The following PDE10A variants were observed in gnomAD, a reference collection of about 807,000 sequenced individuals.
The protein encoded by PDE10A is cAMP and cAMP-inhibited cGMP 3',5'-cyclic phosphodiesterase 10A.
Under a neutral mutation model 97.7 loss-of-function variants are expected in PDE10A, and 39 were observed. That is an observed-to-expected ratio of 0.40 (90% CI 0.31 to 0.52). The LOEUF is 0.52. PDE10A is among the 20% of genes least tolerant of loss of function. The pLI is 0.56. For synonymous variants in PDE10A, 371 were observed against 376.8 expected (o/e 0.98, Z 0.18); for missense variants, 731 against 1,047.8 (o/e 0.70, Z 4.17).
chr6:165,759,740 C>A (rs942056452), intron 1 of PDE10A, among the ~76,000 whole-genome samples: 6 of 152,188 alleles, frequency 3.9e-5, no homozygotes, highest in Non-Finnish European at 8.8e-5. Flanking sequence ...GTGAGCTAAT[C>A]CAACCTCCTC....
At chr6:165,482,185 T>A (rs1474377426) in intron 3 of PDE10A, 130 bp downstream of exon 3, 3 of 739,602 alleles carry the variant, frequency 4.1e-6, no homozygotes, top group Non-Finnish European at 7.4e-6. Flanking sequence ...TAATGAGTGA[T>A]ACTTTGGAGA....
chr6:165,517,196 A>G (rs1781862329), intron 2 of PDE10A, among the ~76,000 whole-genome samples: 1 of 152,202 alleles, frequency 6.6e-6, no homozygotes, highest in South Asian at 2.1e-4. Flanking sequence ...ATTTAATTAG[A>G]AAACTAGTAA....
chr6:165,427,041 T>C (rs1014668667), intron 10 of PDE10A, among the ~76,000 whole-genome samples: 1 of 152,060 alleles, frequency 6.6e-6, no homozygotes, highest in Non-Finnish European at 1.5e-5. Context: ...GCAACTGCCA[T>C]GGAAAGTTTG....
At chr6:165,907,017 C>T (rs1012750765) in intron 1 of PDE10A, among the ~76,000 whole-genome samples, 1 of 152,206 alleles carries the variant, frequency 6.6e-6, no homozygotes, top group African/African-American at 2.4e-5. Context: ...TGTCTTGGGA[C>T]CTTGACCCTT....
intron 2 of PDE10A, among the ~76,000 whole-genome samples, chr6:165,526,342 TG>T (rs1211417461): frequency 6.6e-6 from 1 of 152,134 alleles, no homozygotes; most frequent in Non-Finnish European, 1.5e-5. Context: ...ACTCATCCTG[TG>T]GTCATTTCCC....
intron 17 of PDE10A, among the ~76,000 whole-genome samples, chr6:165,386,953 G>A (rs897468709): frequency 9.2e-5 from 14 of 151,948 alleles, no homozygotes; most frequent in African/African-American, 2.4e-4. Flanking sequence ...GAGGCGGGGC[G>A]TGCAGTGAGC....
At chr6:165,748,295 T>C (rs1357069865) in intron 1 of PDE10A, among the ~76,000 whole-genome samples, 1 of 152,376 alleles carries the variant, frequency 6.6e-6, no homozygotes, top group African/African-American at 2.4e-5. Flanking sequence ...AAGAGATGGC[T>C]CTTTCCCTGA....
intron 1 of PDE10A, among the ~76,000 whole-genome samples, chr6:165,804,885 G>A (rs1161534360): frequency 1.3e-5 from 2 of 151,922 alleles, no homozygotes; most frequent in African/African-American, 2.4e-5. Context: ...GCGCGCGGAG[G>A]GGAGTGGGGC....
chr6:165,898,646 A>T (rs1782021931), intron 1 of PDE10A, among the ~76,000 whole-genome samples: 1 of 151,758 alleles, frequency 6.6e-6, no homozygotes, highest in Non-Finnish European at 1.5e-5. Context: ...ACACCTCAGG[A>T]TGCTCTCATT....
chr6:165,621,771 A>AGAAGAAGAAGAAGAAG (rs1554297070), intron 1 of PDE10A, among the ~76,000 whole-genome samples: 6 of 134,688 alleles, frequency 4.5e-5, no homozygotes, highest in African/African-American at 1.6e-4. Flanking sequence ...AAGAAAAAAA[A>AGAAGAAGAAGAAGAAG]AAGAAGAAGA....
chr6:165,941,305 G>T (rs138111956), intron 1 of PDE10A, among the ~76,000 whole-genome samples: 1 of 152,140 alleles, frequency 6.6e-6, no homozygotes, highest in African/African-American at 2.4e-5. Context: ...ATGGACTCGG[G>T]CCTTTCTGAA....
chr6:165,842,614 G>A (rs143986103), intron 1 of PDE10A, among the ~76,000 whole-genome samples: 2 of 152,270 alleles, frequency 1.3e-5, no homozygotes, highest in Non-Finnish European at 2.9e-5. Flanking sequence ...TTCCATGCTC[G>A]TTTTAGTGAT....
chr6:165,642,426 A>G (rs1789180875), intron 1 of PDE10A, among the ~76,000 whole-genome samples: 2 of 152,232 alleles, frequency 1.3e-5, no homozygotes, highest in South Asian at 2.1e-4. Flanking sequence ...GGCTGTATTT[A>G]GGAGGGACAC....
At position 165,958,747 on chromosome 6, in the gene PDE10A, G is replaced by GAGAA. The variant is rs1554231017; in HGVS notation, c.-615+28778_-615+28781dup. On this transcript the variant is annotated intron_variant, in intron 1 of 19. Transcript: ENST00000366882. ...AGAAAGAAAGAAAGAAAGAAAGAAA[G>GAGAA]AGAAAGAAAGAAAGAAAGAAGAAAG... Among the ~76,000 whole-genome samples the GAGAA allele has an allele frequency of 9.4e-5, 10 of 106,230 alleles. 1 individual carries two copies. The highest frequency in any genetic ancestry group is 1.8e-4 in the Non-Finnish European group (9 of 50,346). The allele number at this position is 106,230 out of a possible 152,430, so 69.7% of individuals were successfully genotyped here.
chr6:165,526,050 T>C (rs1782424783), intron 2 of PDE10A, among the ~76,000 whole-genome samples: 4 of 152,168 alleles, frequency 2.6e-5, no homozygotes, highest in Non-Finnish European at 5.9e-5. Context: ...CGGGTCCCCT[T>C]GAAGAAGGAC....
At chr6:165,704,125 G>A (rs1022379700) in intron 1 of PDE10A, among the ~76,000 whole-genome samples, 10 of 152,294 alleles carry the variant, frequency 6.6e-5, no homozygotes, top group African/African-American at 1.7e-4. Context: ...CTCTGTATAC[G>A]TTTGGGAACT....
chr6:165,453,674 T>C (rs1013814186), intron 3 of PDE10A, among the ~76,000 whole-genome samples: 1 of 152,236 alleles, frequency 6.6e-6, no homozygotes, highest in Non-Finnish European at 1.5e-5. Context: ...GGTATCCACA[T>C]AATACTAACT....
intron 1 of PDE10A, among the ~76,000 whole-genome samples, chr6:165,625,558 G>A (rs1416351464): frequency 6.6e-6 from 1 of 152,200 alleles, no homozygotes; most frequent in African/African-American, 2.4e-5. Context: ...ATCTCATCTT[G>A]AATTGTAGCT....
At chr6:165,839,938 T>A (rs1780195077) in intron 1 of PDE10A, among the ~76,000 whole-genome samples, 3 of 48,054 alleles carry the variant, frequency 6.2e-5, no homozygotes, top group Admixed American at 1.7e-4. Flanking sequence ...TCCATTCTTA[T>A]CTTCATTTCC....
Sources: allele counts gnomAD v4.1 joint callset (sites outside exome capture counted in the v4.1 genomes callset), GRCh38; gene constraint gnomAD v4.1.1; transcripts MANE v1.5; gene names NCBI Gene and HGNC (gene_info 2026-07-23, HGNC 2026-07-21).